Variants in PCDHA6 observed in about 807,000 individuals in gnomAD.
PCDHA6 encodes protocadherin alpha-6.
A neutral mutation model predicts 60.3 loss-of-function variants in PCDHA6; 55 were observed. The ratio of observed to expected loss-of-function variants is 0.91; its 90% confidence interval spans 0.73 to 1.14. The LOEUF is 1.14. Ranked by LOEUF, PCDHA6 falls within the 50% of genes most tolerant of loss-of-function variation. The pLI is 0.00. For missense variants in PCDHA6, 1,327 were observed against 1,256.5 expected (o/e 1.06, Z -0.85); for synonymous variants, 652 against 557.9 (o/e 1.17, Z -2.38).
intron 1 of PCDHA6, among the ~76,000 whole-genome samples, chr5:140,905,962 G>A (rs2072248192): frequency 6.6e-6 from 1 of 152,198 alleles, no homozygotes; most frequent in Non-Finnish European, 1.5e-5. Flanking sequence ...TTCAAGGGGA[G>A]GAAGATCCAG....
chr5:140,942,115 A>T (rs1440934670), intron 1 of PCDHA6, among the ~76,000 whole-genome samples: 2 of 152,232 alleles, frequency 1.3e-5, no homozygotes, highest in Non-Finnish European at 2.9e-5. Flanking sequence ...ATCAAACTTT[A>T]TTAAAGGTGA....
At chr5:140,863,712 G>A (rs2048130795) in intron 1 of PCDHA6, 1 of 282,034 alleles carries the variant, frequency 3.5e-6, no homozygotes, top group East Asian at 9.1e-5. Flanking sequence ...AAGTACACTG[G>A]GGCCGGGTGC....
intron 1 of PCDHA6, among the ~76,000 whole-genome samples, chr5:140,911,992 A>T (rs904624481): frequency 6.6e-6 from 1 of 152,342 alleles, no homozygotes; most frequent in East Asian, 1.9e-4. Flanking sequence ...ACAAGGTCCC[A>T]CAATAGGCCA....
At chr5:140,998,403 A>G (rs375947232) in intron 3 of PCDHA6, among the ~76,000 whole-genome samples, 5 of 152,114 alleles carry the variant, frequency 3.3e-5, no homozygotes, top group Non-Finnish European at 7.4e-5. Context: ...CTTTATGCCA[A>G]AGTTTATCTA....
chr5:140,967,112 C>T (rs1338076103), intron 1 of PCDHA6: 4 of 1,612,876 alleles, frequency 2.5e-6, no homozygotes, highest in East Asian at 2.2e-5. Flanking sequence ...GCAGCGGCCT[C>T]GCTGCCTGCT....
intron 1 of PCDHA6, chr5:140,966,703 G>A: frequency 1.5e-6 from 2 of 1,376,398 alleles, no homozygotes; most frequent in Non-Finnish European, 1.9e-6. Flanking sequence ...CCCGGGCGTG[G>A]GGCACGGCTG....
At chr5:140,931,216 A>G (rs1347905969) in intron 1 of PCDHA6, among the ~76,000 whole-genome samples, 4 of 152,190 alleles carry the variant, frequency 2.6e-5, no homozygotes, top group African/African-American at 9.6e-5. Context: ...TTCAGGTATC[A>G]GAGCACTTAA....
chr5:140,890,608 G>A (rs1451973329), intron 1 of PCDHA6, among the ~76,000 whole-genome samples: 1 of 152,026 alleles, frequency 6.6e-6, no homozygotes, highest in African/African-American at 2.4e-5. Flanking sequence ...AATAGCTAGT[G>A]CTTACCCTAG....
Position 140,856,993 on chromosome 5 carries a change from T to C in PCDHA6, c.2394+26508T>C, listed in dbSNP as rs201643490. Reference sequence around the variant, plus strand: ...TTGACTTTGAGGACAGTAACACTTATGAAATTCATGTAGATGTTACAGATA... The same window carrying C: ...TTGACTTTGAGGACAGTAACACTTACGAAATTCATGTAGATGTTACAGATA... On this transcript the variant is annotated intron_variant, in intron 1 of 3. Coordinates refer to ENST00000529310, the MANE Select transcript of PCDHA6 (RefSeq NM_018909.4). The C allele has an allele frequency of 7.3e-5, 117 of 1,595,326 alleles. 13 individuals are homozygous for C. The highest frequency in any genetic ancestry group is 9.6e-5 in the Non-Finnish European group (112 of 1,165,156).
intron 1 of PCDHA6, among the ~76,000 whole-genome samples, chr5:140,906,435 C>T (rs2072652869): frequency 6.6e-6 from 1 of 152,120 alleles, no homozygotes; most frequent in Non-Finnish European, 1.5e-5. Flanking sequence ...ACATGATAAA[C>T]AAGAAAGGAA....
At chr5:140,985,154 G>T (rs2097139142) in intron 3 of PCDHA6, among the ~76,000 whole-genome samples, 1 of 152,086 alleles carries the variant, frequency 6.6e-6, no homozygotes, top group South Asian at 2.1e-4. Flanking sequence ...AGCCAGGATT[G>T]TCTCAATCTC....
intron 3 of PCDHA6, among the ~76,000 whole-genome samples, chr5:141,007,668 G>C (rs556655396): frequency 6.6e-6 from 1 of 152,262 alleles, no homozygotes; most frequent in East Asian, 1.9e-4. Context: ...AATTTACAAA[G>C]ACAAAAGTTA....
intron 1 of PCDHA6, chr5:140,858,779 C>T (rs771428982): frequency 5.0e-6 from 2 of 403,886 alleles, no homozygotes; most frequent in Non-Finnish European, 9.0e-6. Flanking sequence ...ATTAGTACTT[C>T]ATGTTATTTC....
intron 1 of PCDHA6, among the ~76,000 whole-genome samples, chr5:140,897,014 A>G (rs545411496): frequency 1.3e-3 from 202 of 152,284 alleles, no homozygotes; most frequent in Non-Finnish European, 2.0e-3. Context: ...TAAATATACA[A>G]CTAAATTATT....
At chr5:140,983,178 A>G (rs1302819191) in intron 3 of PCDHA6, among the ~76,000 whole-genome samples, 2 of 152,158 alleles carry the variant, frequency 1.3e-5, no homozygotes, top group Admixed American at 6.5e-5. Context: ...CCGCCTCACA[A>G]TTTCTTAGTT....
chr5:140,975,861 T>G (rs782026072), intron 1 of PCDHA6, among the ~76,000 whole-genome samples: 8 of 152,192 alleles, frequency 5.3e-5, no homozygotes, highest in Non-Finnish European at 8.8e-5. Flanking sequence ...ATCACCCATA[T>G]GGACTACCTA....
At chr5:140,913,959 T>TA (rs1562996315) in intron 1 of PCDHA6, among the ~76,000 whole-genome samples, 4 of 152,166 alleles carry the variant, frequency 2.6e-5, no homozygotes, top group African/African-American at 7.2e-5. Context: ...GATATCATTT[T>TA]TAAAAAAATA....
intron 1 of PCDHA6, among the ~76,000 whole-genome samples, chr5:140,920,549 G>T (rs957534849): frequency 6.6e-6 from 1 of 152,120 alleles, no homozygotes; most frequent in Non-Finnish European, 1.5e-5. Flanking sequence ...TTTCACCTTC[G>T]AAGTGTGGCC....
intron 1 of PCDHA6, chr5:140,930,231 A>C (rs1234850185): frequency 6.6e-6 from 1 of 152,238 alleles, no homozygotes; most frequent in South Asian, 2.1e-4. Context: ...TGCACTTACC[A>C]TCCAAAGTCC....
Sources: allele counts gnomAD v4.1 joint callset (sites outside exome capture counted in the v4.1 genomes callset), GRCh38; gene constraint gnomAD v4.1.1; transcripts MANE v1.5; gene names NCBI Gene and HGNC (gene_info 2026-07-23, HGNC 2026-07-21).